Variants in FRK observed in about 807,000 individuals in gnomAD.
FRK encodes the protein fyn related Src family tyrosine kinase, also known as tyrosine-protein kinase FRK.
FRK carries 51 observed loss-of-function variants against 56.4 expected under a neutral mutation model. The ratio of observed to expected loss-of-function variants is 0.90; its 90% CI spans 0.72 to 1.14. The LOEUF (loss-of-function observed/expected upper bound fraction) is 1.14. Among genes scored for constraint, FRK ranks in the 50% most tolerant of loss-of-function variants. The probability of loss-of-function intolerance (pLI) is 0.00; values close to 1 mark genes in which losing one functional copy is unlikely to be tolerated. For synonymous variants in FRK, 245 were observed against 217.9 expected (o/e 1.12, Z -1.10); for missense variants, 570 against 601.4 (o/e 0.95, Z 0.55).
intron 5 of FRK, among the ~76,000 whole-genome samples, chr6:115,950,500 T>G (rs1772693423): frequency 6.6e-6 from 1 of 152,160 alleles, no homozygotes; most frequent in African/African-American, 2.4e-5. Flanking sequence ...AATGGGATCA[T>G]TAAAAAGTCA....
At position 115,931,189 on chromosome 6, in the gene FRK, AACTTG is replaced by A. The variant is rs1244486519; in HGVS notation, c.*11220_*11224del. The A allele has an allele frequency of 1.3e-5, 2 of 152,038 alleles. No homozygotes were observed. The highest frequency in any genetic ancestry group is 6.5e-5 in the Admixed American group (1 of 15,280). 9.4% of individuals were successfully genotyped at this position (152,038 alleles called of 1,614,324 possible). ...GAATTTATATTTTAGATCCACAATCAACTTGACTTCTGAAACAGTTGACTTTTAAA... is the reference window on the plus strand; with the variant it reads ...GAATTTATATTTTAGATCCACAATCAACTTCTGAAACAGTTGACTTTTAAA... On this transcript the variant is annotated 3_prime_UTR_variant, in exon 8 of 8. Coordinates refer to ENST00000606080, the MANE Select transcript of FRK (RefSeq NM_002031.3).
intron 5 of FRK, among the ~76,000 whole-genome samples, chr6:115,949,052 A>G (rs1772590646): frequency 6.6e-6 from 1 of 152,158 alleles, no homozygotes; most frequent in South Asian, 2.1e-4. Context: ...AGCAACTGCA[A>G]AAGGGAGTTT....
intron 1 of FRK, among the ~76,000 whole-genome samples, chr6:116,054,464 A>G (rs969555211): frequency 2.8e-5 from 4 of 143,862 alleles, no homozygotes; most frequent in South Asian, 2.1e-4. Flanking sequence ...ATTATATATA[A>G]TATAATATAT....
Position 115,978,540 on chromosome 6 carries a change from C to T in FRK, c.467-9801G>A, listed in dbSNP as rs563637740. On this transcript the variant is annotated intron_variant, in intron 2 of 7. Coordinates refer to ENST00000606080, the MANE Select transcript of FRK (RefSeq NM_002031.3). Reference sequence around the variant, plus strand: ...TAAAGAAGTAAACACATTCAGTTACCTAATTCCATGAAGAAAATATTAATA... The same window carrying T: ...TAAAGAAGTAAACACATTCAGTTACTTAATTCCATGAAGAAAATATTAATA... Among the ~76,000 whole-genome samples, 8 of 152,206 alleles carry T rather than the reference C, an allele frequency of 5.3e-5. No individual in the cohort carries two copies. In the South Asian group the frequency reaches 1.7e-3, roughly 32 times the overall value.
At position 115,940,378 on chromosome 6, in the gene FRK, A is replaced by G. The variant is rs773050260; in HGVS notation, c.*2036T>C. The G allele has an allele frequency of 7.2e-5, 11 of 152,254 alleles. No individual in the cohort carries two copies. Among genetic ancestry groups the G allele is most frequent in the African/African-American group, 1.2e-4 (5 of 41,466 alleles). 9.4% of individuals were successfully genotyped at this position (152,254 alleles called of 1,614,324 possible). ...TAAGACCTAAAACCATAAAAACCCT[A>G]GAAGAAAACCTAGGCAACACCATTC... On this transcript the variant is annotated 3_prime_UTR_variant, in exon 8 of 8. Transcript: ENST00000606080.
intron 1 of FRK, among the ~76,000 whole-genome samples, chr6:116,017,274 A>G (rs1385420532): frequency 6.6e-6 from 1 of 152,184 alleles, no homozygotes; most frequent in African/African-American, 2.4e-5. Flanking sequence ...AGTGAACTGC[A>G]ACCTAAATGG....
chr6:116,060,057 CA>C lies in FRK; in HGVS notation c.254del (p.Leu85TrpfsTer57). ...LHEGWWFARH[L>X]EKRRDGSSQQ... ...GACTGGAGCCATCTCGTCTTTTCTC[CA>C]AGTGTCTGGCAAACCACCAGCCCTC... On this transcript the variant is annotated frameshift_variant, in exon 1 of 8. Coordinates refer to ENST00000606080, the MANE Select transcript of FRK (RefSeq NM_002031.3). LOFTEE classifies it high-confidence loss of function. The C allele has an allele frequency of 6.2e-7, 1 of 1,614,156 alleles. No individual in the cohort carries two copies. The highest frequency in any genetic ancestry group is 8.5e-7 in the Non-Finnish European group (1 of 1,180,028).
chr6:116,000,270 T>C (rs1351486613), intron 2 of FRK, among the ~76,000 whole-genome samples: 1 of 93,748 alleles, frequency 1.1e-5, no homozygotes, highest in African/African-American at 4.2e-5. Context: ...TGAGACGGAG[T>C]CTCGCTCTGT....
At position 115,935,574 on chromosome 6, in the gene FRK, A is replaced by G. The variant is rs1364834520; in HGVS notation, c.*6840T>C. Reference sequence around the variant, plus strand: ...AGCTTGGCGGGTCCCACCCCCACGGAGCCCAGCAAGCTAAGATTCACTGGC... The same window carrying G: ...AGCTTGGCGGGTCCCACCCCCACGGGGCCCAGCAAGCTAAGATTCACTGGC... On this transcript the variant is annotated 3_prime_UTR_variant, in exon 8 of 8. Coordinates refer to ENST00000606080, the MANE Select transcript of FRK (RefSeq NM_002031.3). 2 of 152,482 alleles carry G rather than the reference A, an allele frequency of 1.3e-5. No individual in the cohort carries two copies. The highest frequency in any genetic ancestry group is 2.9e-5 in the Non-Finnish European group (2 of 68,272). 9.4% of individuals were successfully genotyped at this position (152,482 alleles called of 1,614,324 possible).
In FRK at chr6:116,038,790, G is replaced by A. The variant is rs79928168; in HGVS notation, c.344+21178C>T. 1,558 of 499,072 alleles carry A rather than the reference G, an allele frequency of 3.1e-3. 21 individuals are homozygous for A. Among genetic ancestry groups the A allele is most frequent in the African/African-American group, 0.026 (1,338 of 51,334 alleles). 30.9% of individuals were successfully genotyped at this position (499,072 alleles called of 1,614,324 possible). On this transcript the variant is annotated intron_variant, in intron 1 of 7. Transcript: ENST00000606080. The stretch of plus-strand genomic sequence containing the variant: ...TCCAGGAAGTTCGTTGGGGGGAACT[G>A]GAAGATGAACCGACGGAAGAAGAGC...
At chr6:116,070,135 A>T in the FRK span, among the ~76,000 whole-genome samples, 30 of 94,780 alleles carry the variant, frequency 3.2e-4, no homozygotes, top group Middle Eastern at 4.9e-3. Context: ...CCCATTATTT[A>T]AAAAAAAAAA....
intron 4 of FRK, among the ~76,000 whole-genome samples, chr6:115,960,102 A>G (rs1474414979): frequency 6.6e-6 from 1 of 152,012 alleles, no homozygotes; most frequent in Non-Finnish European, 1.5e-5. Flanking sequence ...GACGCAGAAG[A>G]CGGGTGATTT....
intron 1 of FRK, among the ~76,000 whole-genome samples, chr6:116,006,685 T>C (rs974637498): frequency 1.2e-4 from 19 of 152,172 alleles, no homozygotes; most frequent in Non-Finnish European, 2.4e-4. Context: ...TGACTGGGCA[T>C]GGTGGTATGC....
the FRK span, among the ~76,000 whole-genome samples, chr6:116,092,345 A>C: frequency 6.6e-6 from 1 of 152,186 alleles, no homozygotes; most frequent in African/African-American, 2.4e-5. Context: ...CCAACCCTGG[A>C]GATCCCTTCC....
At chr6:116,063,402 TG>T (rs748152812), upstream of FRK, among the ~76,000 whole-genome samples, 4 of 152,140 alleles carry the variant, frequency 2.6e-5, no homozygotes, top group Non-Finnish European at 5.9e-5. Context: ...TCTTGTCATT[TG>T]TGACAACATG....
In FRK at chr6:115,950,847, G is replaced by C. The variant is rs568985070; in HGVS notation, c.958+5605C>G. ...TGGAACACTATGCAGCCATAAAAAGGAATGAGTTCATGTCCTTTGCAGGAA... is the reference window on the plus strand; with the variant it reads ...TGGAACACTATGCAGCCATAAAAAGCAATGAGTTCATGTCCTTTGCAGGAA... On this transcript the variant is annotated intron_variant, in intron 5 of 7. Coordinates refer to ENST00000606080, the MANE Select transcript of FRK (RefSeq NM_002031.3). Among the ~76,000 whole-genome samples the C allele has an allele frequency of 2.0e-5, 3 of 152,284 alleles. No homozygotes were observed. The East Asian group carries it at 5.8e-4, about 29-fold the overall frequency.
the FRK span, among the ~76,000 whole-genome samples, chr6:116,092,665 A>G: frequency 3.9e-5 from 6 of 152,298 alleles, no homozygotes; most frequent in East Asian, 1.9e-4. Flanking sequence ...TCTGATCAAC[A>G]GGGTCCAGGG....
chr6:116,067,835 G>C, the FRK span, among the ~76,000 whole-genome samples: 1 of 152,148 alleles, frequency 6.6e-6, no homozygotes, highest in South Asian at 2.1e-4. Context: ...GCTGATGATG[G>C]GATTTATGTT....
Position 115,934,058 on chromosome 6 carries a change from T to C in FRK, c.*8356A>G, listed in dbSNP as rs954231523. Reference sequence around the variant, plus strand: ...AAAATAAATATATACACACTCAACATACCCGCATGTATATATTTAGAGAGA... The same window carrying C: ...AAAATAAATATATACACACTCAACACACCCGCATGTATATATTTAGAGAGA... On this transcript the variant is annotated 3_prime_UTR_variant, in exon 8 of 8. Coordinates refer to ENST00000606080, the MANE Select transcript of FRK (RefSeq NM_002031.3). 2 of 152,020 alleles carry C rather than the reference T, an allele frequency of 1.3e-5. No homozygotes were observed. Among genetic ancestry groups the C allele is most frequent in the Admixed American group, 1.3e-4 (2 of 15,256 alleles). The allele number at this position is 152,020 out of a possible 1,614,324, so 9.4% of individuals were successfully genotyped here. A position where few individuals can be genotyped will look rare whatever the true frequency, so the allele number is the denominator to read the frequency against.
Sources: allele counts gnomAD v4.1 joint callset (sites outside exome capture counted in the v4.1 genomes callset), GRCh38; gene constraint gnomAD v4.1.1; transcripts MANE v1.5; gene names NCBI Gene and HGNC (gene_info 2026-07-23, HGNC 2026-07-21).